Variants in SEC16A observed in about 807,000 individuals in gnomAD.
SEC16A encodes protein transport protein Sec16A.
SEC16A carries 110 observed loss-of-function variants against 221.9 expected under a neutral mutation model. That is an observed-to-expected ratio of 0.50 (90% CI 0.42 to 0.58). SEC16A has a LOEUF of 0.58. Ranked by LOEUF, SEC16A falls within the 20% of genes least tolerant of loss-of-function variation. The pLI, the probability that SEC16A is intolerant of heterozygous loss-of-function variation, is 0.00. For missense variants in SEC16A, 3,165 were observed against 3,097.8 expected, an observed-to-expected ratio of 1.02 and a Z score of -0.52; for synonymous variants, 1,393 against 1,257.7, an observed-to-expected ratio of 1.11 and a Z score of -2.28.
rs1218814487 is a variant in SEC16A, at chr9:136,445,032, G to C, written c.6927+20C>G. 3 of 1,598,608 alleles carry C rather than the reference G, an allele frequency of 1.9e-6. No homozygotes were observed. Among genetic ancestry groups the C allele is most frequent in the Admixed American group, 1.7e-5 (1 of 57,948 alleles). On this transcript the variant is annotated intron_variant, in intron 30 of 31. Transcript: ENST00000684901. ...CACACGCCAGCTCTCATGTTAGTGA[G>C]GACCACCAGCCGCAGGTACCTGATT... is the stretch of plus-strand genomic sequence containing the variant.
At chr9:136,471,945 G>A in intron 4 of SEC16A, 30 bp downstream of exon 4, 1 of 1,608,702 alleles carries the variant, frequency 6.2e-7, no homozygotes. Context: ...GAGTAGGACA[G>A]AGAGGCAGCC....
chr9:136,444,518 A>G (rs1341473264), intron 30 of SEC16A, among the ~76,000 whole-genome samples: 1 of 152,194 alleles, frequency 6.6e-6, no homozygotes, highest in African/African-American at 2.4e-5. Flanking sequence ...AAAGAGCAAA[A>G]TGACAGAACC....
chr9:136,469,926 C>A (rs900662903), intron 4 of SEC16A, among the ~76,000 whole-genome samples: 5 of 152,240 alleles, frequency 3.3e-5, no homozygotes, highest in African/African-American at 1.2e-4. Flanking sequence ...GTGGCCACAG[C>A]AGGTTCTGGA....
At chr9:136,483,769 T>C (rs1831519361), upstream of SEC16A, 1 of 984,440 alleles carries the variant, frequency 1.0e-6, no homozygotes, top group Non-Finnish European at 1.2e-6. Flanking sequence ...CATTCTTCCG[T>C]TGGGCTGGGA....
In SEC16A at chr9:136,454,109, C is replaced by T. The variant is rs1050406033; in HGVS notation, c.6076G>A (p.Gly2026Arg). 3.2e-6 allele frequency: 5 copies of T among 1,550,462 alleles called. No individual in the cohort carries two copies. The highest frequency in any genetic ancestry group is 2.0e-5 in the Admixed American group (1 of 51,058). Residue 2026 changes from glycine (G) to arginine (R), a missense_variant and splice_region_variant, in exon 21 of 32, where the codon GGG becomes AGG. Physicochemically the swap from Gly to Arg is moderately radical, Grantham distance 125 (BLOSUM62 -2). Around this residue, in one of 3 missense-constraint regions of SEC16A, gnomAD observed 1,088 missense variants for 1,089.6 expected, o/e 1.00. Transcript: ENST00000684901. ...LLQEARSPDP[G>R]IVPQEAPVGN... ...CGAGACAGCATCTCTGCAGCCCCAC[C>T]TGGGTCTGGGCTCCTGGCTTCCTGG... is the stretch of plus-strand genomic sequence containing the variant.
intron 29 of SEC16A, 89 bp from the exon 30 acceptor site, chr9:136,445,200 AG>A: frequency 8.7e-7 from 1 of 1,150,332 alleles, no homozygotes; most frequent in South Asian, 1.3e-5. Flanking sequence ...CCATTTCAAA[AG>A]CTTTGTGATG....
intron 21 of SEC16A, among the ~76,000 whole-genome samples, chr9:136,453,794 T>C (rs1838216482): frequency 6.6e-6 from 1 of 152,216 alleles, no homozygotes; most frequent in Admixed American, 6.5e-5. Context: ...CCTGCCCCTG[T>C]GCATCTCACC....
chr9:136,473,927 C>A (rs1841246236), intron 3 of SEC16A, 122 bp downstream of exon 3: 5 of 1,071,968 alleles, frequency 4.7e-6, no homozygotes, highest in Non-Finnish European at 6.7e-6. Context: ...CTCACGCCTG[C>A]GGGACTGTGG....
rs1019729729 is a variant in SEC16A at position 136,466,566 on chromosome 9, C to T, written c.3930-104G>A. The T allele has an allele frequency of 4.6e-6, 5 of 1,079,054 alleles. No homozygotes were observed. Among genetic ancestry groups the T allele is most frequent in the Middle Eastern group, 2.3e-4 (1 of 4,286 alleles). 66.8% of individuals were successfully genotyped at this position (1,079,054 alleles called of 1,614,324 possible). A position where few individuals can be genotyped will look rare whatever the true frequency, so the allele number is the denominator to read the frequency against. ...GAGCTGAGACCGAGACCCCTGGGGC[C>T]GAGGCACAACACAGCACACCCGACA... is the stretch of plus-strand genomic sequence containing the variant. On this transcript the variant is annotated intron_variant, in intron 6 of 31. Coordinates refer to ENST00000684901, the MANE Select transcript of SEC16A (RefSeq NM_014866.2). The surrounding 1 kb of genome is among the most constrained non-coding windows in gnomAD (Gnocchi z 5.5).
At position 136,447,595 on chromosome 9, in the gene SEC16A, G is replaced by A. The variant is rs199835518; in HGVS notation, c.6533C>T (p.Pro2178Leu). The A allele has an allele frequency of 9.6e-4, 1,545 of 1,613,782 alleles. 2 individuals carry two copies. Among genetic ancestry groups the A allele is most frequent in the Non-Finnish European group, 1.2e-3 (1,459 of 1,179,686 alleles). Residue 2178 changes from proline to leucine, a missense_variant, in exon 26 of 32, where the codon CCC becomes CTC. Physicochemically the swap from Pro to Leu is moderately conservative, Grantham distance 98. Around this residue, in one of 3 missense-constraint regions of SEC16A, gnomAD observed 1,088 missense variants for 1,089.6 expected, o/e 1.00. Coordinates refer to ENST00000684901, the MANE Select transcript of SEC16A (RefSeq NM_014866.2). This position sits in a 1 kb window ranked among gnomAD's most constrained non-coding sequence, Gnocchi z 5.5. ...TGCTCTTCTAGAGTACATGTTCACG[G>A]GGGCTCCAGGAGGCCCTGGGAGGGC... Reference protein sequence around the residue: ...PPALPGPPGAPVNMYSRRAAG... With the variant: ...PPALPGPPGALVNMYSRRAAG...
chr9:136,483,907 C>G, upstream of SEC16A: 1 of 638,378 alleles, frequency 1.6e-6, no homozygotes, highest in Non-Finnish European at 1.9e-6. Flanking sequence ...CGAGCGGCGC[C>G]GGAAGTTGGT....
In SEC16A at chr9:136,476,142, G is replaced by C. The variant is rs1178362888; in HGVS notation, c.1474C>G (p.Leu492Val). ...TGCCTGGGCACAGCTGGCCCAGGAA[G>C]GGGCCCATATCTGAACTGGTCACTC... is the stretch of plus-strand genomic sequence containing the variant. The part of the protein sequence containing the change: ...SPSDQFRYGP[L>V]PGPAVPRHGA... The change falls in exon 3 of 32, where the codon CTT becomes GTT. Residue 492 changes from leucine (L) to valine (V), a missense_variant. Leu to Val is a conservative substitution (Grantham distance 32, BLOSUM62 1). This residue lies in a region of SEC16A where 2,030 missense variants were observed against 1,923.1 expected (regional missense o/e 1.06). Coordinates refer to ENST00000684901, the MANE Select transcript of SEC16A (RefSeq NM_014866.2). The C allele has an allele frequency of 1.3e-5, 21 of 1,613,832 alleles. No individual in the cohort carries two copies. The highest frequency in any genetic ancestry group is 1.8e-5 in the Non-Finnish European group (21 of 1,179,862).
At chr9:136,462,270 G>A (rs1043146456) in intron 12 of SEC16A, among the ~76,000 whole-genome samples, 39 of 152,104 alleles carry the variant, frequency 2.6e-4, no homozygotes, top group African/African-American at 9.4e-4. Flanking sequence ...CACATCCAAA[G>A]CAAACATCAT....
chr9:136,443,439 C>G (rs924021992), intron 31 of SEC16A, among the ~76,000 whole-genome samples: 9 of 152,214 alleles, frequency 5.9e-5, no homozygotes, highest in African/African-American at 1.9e-4. Flanking sequence ...AATCCCAGTG[C>G]CTTGGGAAGC....
Position 136,476,207 on chromosome 9 carries a change from A to G in SEC16A, c.1409T>C (p.Val470Ala). Residue 470 changes from valine to alanine, a missense_variant, in exon 3 of 32, where the codon GTT (valine) becomes GCT (alanine). This residue lies in a region of SEC16A where 2,030 missense variants were observed against 1,923.1 expected (regional missense o/e 1.06). Coordinates refer to ENST00000684901, the MANE Select transcript of SEC16A (RefSeq NM_014866.2). ...CAAATTGAGGGGCTCACTTGGCAGAACTTCTTGATTCTGAACAAATTCTAA... is the reference window on the plus strand; with the variant it reads ...CAAATTGAGGGGCTCACTTGGCAGAGCTTCTTGATTCTGAACAAATTCTAA... The part of the protein sequence containing the change: ...ENLEFVQNQE[V>A]LPSEPLNLDP... 1 of 1,613,772 alleles carries G rather than the reference A, an allele frequency of 6.2e-7. No homozygotes were observed. The highest frequency in any genetic ancestry group is 8.5e-7 in the Non-Finnish European group (1 of 1,179,892).
intron 12 of SEC16A, among the ~76,000 whole-genome samples, chr9:136,461,832 C>G (rs148916812): frequency 6.6e-6 from 1 of 152,076 alleles, no homozygotes; most frequent in Non-Finnish European, 1.5e-5. Context: ...TCAGGCCGGG[C>G]GCGGTGGCTC....
chr9:136,459,074 C>T lies in SEC16A; in HGVS notation c.5409+60G>A. On this transcript the variant is annotated intron_variant, in intron 17 of 31. Coordinates refer to ENST00000684901, the MANE Select transcript of SEC16A (RefSeq NM_014866.2). This position sits in a 1 kb window ranked among gnomAD's most constrained non-coding sequence, Gnocchi z 6.1. ...TTCAAACAATCTAAGTAGCCAAAAG[C>T]TTGTTAGCACTGAGTGCCTGCCCAG... 1 of 1,248,904 alleles carries T rather than the reference C, an allele frequency of 8.0e-7. No individual in the cohort carries two copies. Among genetic ancestry groups the T allele is most frequent in the Non-Finnish European group, 1.1e-6 (1 of 890,962 alleles). 77.4% of individuals were successfully genotyped at this position (1,248,904 alleles called of 1,614,324 possible).
intron 1 of SEC16A, among the ~76,000 whole-genome samples, 31 bp from the exon 2 acceptor site, chr9:136,478,861 G>A (rs1487928884): frequency 6.6e-6 from 1 of 152,140 alleles, no homozygotes; most frequent in Non-Finnish European, 1.5e-5. Flanking sequence ...AATAAAAAGT[G>A]ACACAATCAT....
At position 136,460,111 on chromosome 9, in the gene SEC16A, G is replaced by A. The variant is rs995515811; in HGVS notation, c.5004C>T (p.Ser1668=). 2.5e-6 allele frequency: 4 copies of A among 1,606,086 alleles called. No homozygotes were observed. In the African/African-American group the frequency reaches 5.3e-5, roughly 21 times the overall value. ...HARVMTRFAN[S]LPINDPLQTV... is the part of the protein sequence containing the mutation. The stretch of plus-strand genomic sequence containing the variant: ...TCTGCAGAGGGTCGTTGATTGGGAG[G>A]CTGTTAGCAAACCTAGGCAGACATA... Residue 1668 remains serine, a synonymous_variant, in exon 14 of 32, where the codon AGC becomes AGT. Transcript: ENST00000684901.
Sources: gnomAD v4.1 joint callset for allele counts (sites outside exome capture counted in the v4.1 genomes callset) on GRCh38, gnomAD v4.1.1 for gene constraint, gnomAD v4.1.1 regional missense constraint, Gnocchi (gnomAD v3.1) non-coding constraint, MANE v1.5 for transcripts, NCBI Gene and HGNC (gene_info 2026-07-23, HGNC 2026-07-21) for gene names.